The following MACROH2A1 variants were observed in gnomAD, a reference collection of about 807,000 sequenced individuals.
The protein encoded by MACROH2A1 is core histone macro-H2A.1.
A neutral mutation model predicts 31.6 loss-of-function variants in MACROH2A1; 2 were observed. The observed-to-expected ratio is 0.06, with a 90% CI of 0.03 to 0.20. The LOEUF (loss-of-function observed/expected upper bound fraction) is 0.20. Ranked by LOEUF, MACROH2A1 falls within the 10% of genes least tolerant of loss-of-function variation. The pLI is 1.00. For synonymous variants in MACROH2A1, 169 were observed against 189.6 expected (o/e 0.89, Z 0.89); for missense variants, 230 against 474.0 (o/e 0.49, Z 4.78).
intron 1 of MACROH2A1, among the ~76,000 whole-genome samples, chr5:135,394,102 C>A (rs1767632167): frequency 6.6e-6 from 1 of 152,124 alleles, no homozygotes; most frequent in African/African-American, 2.4e-5. Context: ...CTAGGAGGGG[C>A]AGTAGGGGCA....
intron 1 of MACROH2A1, among the ~76,000 whole-genome samples, chr5:135,395,418 G>T (rs534763000): frequency 2.6e-4 from 40 of 152,316 alleles, no homozygotes; most frequent in African/African-American, 9.6e-4. Context: ...GAGGATAGAG[G>T]AGTCTGAGCT....
chr5:135,368,325 T>G (rs1025877577), intron 4 of MACROH2A1, among the ~76,000 whole-genome samples: 6 of 152,240 alleles, frequency 3.9e-5, no homozygotes, highest in Non-Finnish European at 8.8e-5. Flanking sequence ...GTTCACCTGG[T>G]CACAGCTCCT....
chr5:135,372,900 C>T (rs945641529), intron 2 of MACROH2A1, among the ~76,000 whole-genome samples: 13 of 152,184 alleles, frequency 8.5e-5, no homozygotes, highest in Admixed American at 4.6e-4. Flanking sequence ...GAGGCCACAA[C>T]GAAGTTTTGG....
At chr5:135,342,197 G>A (rs1470943289) in intron 8 of MACROH2A1, among the ~76,000 whole-genome samples, 1 of 152,256 alleles carries the variant, frequency 6.6e-6, no homozygotes, top group East Asian at 1.9e-4. Flanking sequence ...AATCTCAGAG[G>A]TGGCTCTGCC....
intron 5 of MACROH2A1, chr5:135,356,231 A>T (rs200956152): frequency 6.6e-6 from 1 of 152,256 alleles, no homozygotes; most frequent in African/African-American, 2.4e-5. Context: ...GTTGGCAGAA[A>T]GGGTCGTAGC....
At position 135,399,214 on chromosome 5, in the gene MACROH2A1, C is replaced by G. The variant is rs1768523061; in HGVS notation, c.-186G>C. The G allele has an allele frequency of 2.0e-5, 3 of 152,092 alleles. No individual in the cohort carries two copies. The highest frequency in any genetic ancestry group is 2.9e-5 in the Non-Finnish European group (2 of 68,144). 9.4% of individuals were successfully genotyped at this position (152,092 alleles called of 1,614,324 possible). A position where few individuals can be genotyped will look rare whatever the true frequency, so the allele number is the denominator to read the frequency against. ...CGCGCTCTCCCCCTCCGCCCGGCGC[C>G]GCTGCCGAGTGAACTGGAACCAGTC... On this transcript the variant is annotated 5_prime_UTR_variant, in exon 1 of 9. Coordinates refer to ENST00000511689, the MANE Select transcript of MACROH2A1 (RefSeq NM_138610.3). This position sits in a 1 kb window ranked among gnomAD's most constrained non-coding sequence, Gnocchi z 4.5.
At chr5:135,342,681 G>A (rs1760099996) in intron 8 of MACROH2A1, among the ~76,000 whole-genome samples, 3 of 152,324 alleles carry the variant, frequency 2.0e-5, no homozygotes, top group Admixed American at 6.5e-5. Context: ...TCAATCTCAC[G>A]TAATTCCCCA....
At chr5:135,355,026 C>T (rs1561596473) in intron 5 of MACROH2A1, 3 of 453,096 alleles carry the variant, frequency 6.6e-6, no homozygotes, top group African/African-American at 4.0e-5. Flanking sequence ...TTAAAATTCA[C>T]GCAATTTTTT....
In MACROH2A1 at chr5:135,341,485, C is replaced by T. The variant is rs558917961; in HGVS notation, c.953+1775G>A. 3.9e-5 allele frequency among the ~76,000 whole-genome samples: 6 copies of T among 152,336 alleles called. No homozygotes were observed. The East Asian group carries it at 1.2e-3, about 29-fold the overall frequency. ...AGTGATACAGGCTCCAGAGAAGGTT[C>T]AGGTGCAACCAGAGATCTTTCCCCA... is the stretch of plus-strand genomic sequence containing the variant. On this transcript the variant is annotated intron_variant, in intron 8 of 8. Transcript: ENST00000511689.
intron 2 of MACROH2A1, among the ~76,000 whole-genome samples, chr5:135,379,309 A>G (rs1765331893): frequency 6.6e-6 from 1 of 152,198 alleles, no homozygotes; most frequent in South Asian, 2.1e-4. Context: ...GGGAACCCAC[A>G]TGTTCTAGCC....
intron 4 of MACROH2A1, among the ~76,000 whole-genome samples, chr5:135,363,255 T>G (rs1763073126): frequency 6.6e-6 from 1 of 151,852 alleles, no homozygotes; most frequent in African/African-American, 2.4e-5. Flanking sequence ...ATTAAACGAC[T>G]GGCCTTAGAA....
chr5:135,339,698 T>G (rs1230236213), intron 8 of MACROH2A1, among the ~76,000 whole-genome samples: 1 of 152,228 alleles, frequency 6.6e-6, no homozygotes, highest in Non-Finnish European at 1.5e-5. Context: ...CTTTACCATT[T>G]TTTAGTAATT....
chr5:135,342,104 C>T (rs1759988072), intron 8 of MACROH2A1, among the ~76,000 whole-genome samples: 1 of 152,232 alleles, frequency 6.6e-6, no homozygotes, highest in African/African-American at 2.4e-5. Flanking sequence ...GTGCCCAATG[C>T]AGACCTCGAG....
rs200726913 is a variant in MACROH2A1 at position 135,370,111 on chromosome 5, C to T, written c.204G>A (p.Ala68=). ...TGACCCGTCCCTTCTTGTTGTCTCT[C>T]GCTGCATTGCCAGCCAGCTCCAGAA... is the stretch of plus-strand genomic sequence containing the variant. ...AEILELAGNA[A]RDNKKGRVTP... is the part of the protein sequence containing the mutation. Residue 68 remains alanine (A), a synonymous_variant, in exon 3 of 9, where the codon GCG becomes GCA. Coordinates refer to ENST00000511689, the MANE Select transcript of MACROH2A1 (RefSeq NM_138610.3). The T allele has an allele frequency of 1.1e-4, 181 of 1,613,528 alleles. No homozygotes were observed. The highest frequency in any genetic ancestry group is 2.9e-4 in the African/African-American group (22 of 75,034).
At chr5:135,363,150 T>TGCCG (rs1763054286) in intron 4 of MACROH2A1, among the ~76,000 whole-genome samples, 1 of 151,292 alleles carries the variant, frequency 6.6e-6, no homozygotes, top group African/African-American at 2.4e-5. Context: ...GGCAGGAGGA[T>TGCCG]GCCAGCCTGG....
chr5:135,390,279 T>C (rs1239426920), intron 1 of MACROH2A1, among the ~76,000 whole-genome samples: 3 of 152,202 alleles, frequency 2.0e-5, no homozygotes, highest in Admixed American at 6.5e-5. Context: ...CACCACAGCA[T>C]TGATGCACGT....
intron 2 of MACROH2A1, among the ~76,000 whole-genome samples, chr5:135,383,716 T>C (rs532945525): frequency 3.4e-5 from 5 of 148,856 alleles, no homozygotes; most frequent in Admixed American, 1.3e-4. Flanking sequence ...TGTGTGTGTG[T>C]GTGTGTGTGT....
At chr5:135,359,736 T>A in intron 5 of MACROH2A1, 1 of 966,420 alleles carries the variant, frequency 1.0e-6, no homozygotes. Context: ...AACGTCAAAT[T>A]CATTCCTTTA....
chr5:135,374,390 G>A (rs1216968389), intron 2 of MACROH2A1, among the ~76,000 whole-genome samples: 1 of 152,200 alleles, frequency 6.6e-6, no homozygotes, highest in Non-Finnish European at 1.5e-5. Flanking sequence ...ATGTCCTGAT[G>A]TAGTTTTCTT....
Sources: allele counts gnomAD v4.1 joint callset (sites outside exome capture counted in the v4.1 genomes callset), GRCh38; gene constraint gnomAD v4.1.1; non-coding constraint Gnocchi (gnomAD v3.1); transcripts MANE v1.5; gene names NCBI Gene and HGNC (gene_info 2026-07-23, HGNC 2026-07-21).